Variants in TFEC observed in about 807,000 individuals in gnomAD.
TFEC encodes the protein transcription factor EC, also known as class E basic helix-loop-helix protein 34.
A neutral mutation model predicts 41.6 loss-of-function variants in TFEC; 31 were observed. The observed-to-expected ratio is 0.74, with a 90% CI of 0.56 to 1.01. The LOEUF (loss-of-function observed/expected upper bound fraction) is 1.01, where lower values mean the gene tolerates loss of function less well. Among genes scored for constraint, TFEC ranks in the 50% least tolerant of loss-of-function variants. The probability of loss-of-function intolerance (pLI) is 0.00; values close to 1 mark genes in which losing one functional copy is unlikely to be tolerated. For synonymous variants in TFEC, 143 were observed against 140.6 expected, an observed-to-expected ratio of 1.02 and a Z score of -0.12; for missense variants, 402 against 404.1, an observed-to-expected ratio of 0.99 and a Z score of 0.04.
At chr7:115,997,808 C>T (rs151264039) in intron 1 of TFEC, among the ~76,000 whole-genome samples, 1 of 152,096 alleles carries the variant, frequency 6.6e-6, no homozygotes, top group Non-Finnish European at 1.5e-5. Context: ...AATAGGCATG[C>T]TGAAGAACGC....
chr7:116,113,009 A>G (rs1363413314), intron 1 of TFEC, among the ~76,000 whole-genome samples: 1 of 152,158 alleles, frequency 6.6e-6, no homozygotes, highest in East Asian at 1.9e-4. Flanking sequence ...GAATTCATGA[A>G]AAATAAAGTG....
At position 115,936,528 on chromosome 7, in the gene TFEC, A is replaced by C. The variant is rs763229528; in HGVS notation, c.*4023T>G. On this transcript the variant is annotated 3_prime_UTR_variant, in exon 8 of 8. Coordinates refer to ENST00000265440, the MANE Select transcript of TFEC (RefSeq NM_012252.4). ...TGAATAGGGTCAAAGACATTGTAAAAAAATTTGGAACACTTAGTTATGCCA... is the reference window on the plus strand; with the variant it reads ...TGAATAGGGTCAAAGACATTGTAAACAAATTTGGAACACTTAGTTATGCCA... 4.6e-5 allele frequency: 7 copies of C among 151,722 alleles called. No individual in the cohort carries two copies. The highest frequency in any genetic ancestry group is 7.4e-5 in the Non-Finnish European group (5 of 67,684). The allele number at this position is 151,722 out of a possible 1,614,324, so 9.4% of individuals were successfully genotyped here.
intron 1 of TFEC, among the ~76,000 whole-genome samples, chr7:115,985,180 GA>G (rs1475026495): frequency 1.3e-5 from 2 of 152,062 alleles, no homozygotes; most frequent in South Asian, 2.1e-4. Context: ...GGAGCATTCA[GA>G]AAAAAATCTA....
intron 3 of TFEC, among the ~76,000 whole-genome samples, chr7:116,090,001 T>A (rs998832681): frequency 1.2e-4 from 18 of 151,982 alleles, no homozygotes; most frequent in Non-Finnish European, 4.4e-5. Context: ...GAAGAAAGGG[T>A]CTGAAGGCAG....
At chr7:116,032,681 G>A (rs1795815483), upstream of TFEC, among the ~76,000 whole-genome samples, 1 of 152,086 alleles carries the variant, frequency 6.6e-6, no homozygotes, top group Non-Finnish European at 1.5e-5. Flanking sequence ...GGGCCTATCA[G>A]AGGGTGGAAG....
intron 3 of TFEC, among the ~76,000 whole-genome samples, chr7:116,062,560 C>CATATATATATATAT (rs57742551): frequency 3.8e-4 from 39 of 101,676 alleles, no homozygotes; most frequent in South Asian, 8.2e-4. Context: ...GAGTAGTACT[C>CATATATATATATAT]ATATATATAT....
intron 1 of TFEC, among the ~76,000 whole-genome samples, chr7:116,142,007 G>A (rs1188629202): frequency 6.6e-6 from 1 of 152,110 alleles, no homozygotes; most frequent in Non-Finnish European, 1.5e-5. Flanking sequence ...TTTTCATCAT[G>A]ATCACAGAGT....
chr7:116,123,011 A>C (rs1798139240), intron 1 of TFEC, among the ~76,000 whole-genome samples: 1 of 152,088 alleles, frequency 6.6e-6, no homozygotes. Flanking sequence ...CCCCCATCTT[A>C]CTTGAGAGTA....
intron 1 of TFEC, among the ~76,000 whole-genome samples, chr7:116,125,676 TG>T (rs1350238815): frequency 6.6e-6 from 1 of 152,052 alleles, no homozygotes; most frequent in African/African-American, 2.4e-5. Flanking sequence ...GACTGAGACT[TG>T]GTTGATTCAA....
Position 115,950,969 on chromosome 7 carries a change from A to G in TFEC, c.440-20T>C. On this transcript the variant is annotated intron_variant, in intron 5 of 7. Coordinates refer to ENST00000265440, the MANE Select transcript of TFEC (RefSeq NM_012252.4). ...TTTCAACTATTAAAGAAGAAATATT[A>G]TTGATTATTCTCATTAATGCACAGT... The G allele has an allele frequency of 5.4e-6, 8 of 1,481,712 alleles. No individual in the cohort carries two copies. The highest frequency in any genetic ancestry group is 7.5e-6 in the Non-Finnish European group (8 of 1,071,644). 91.8% of individuals were successfully genotyped at this position (1,481,712 alleles called of 1,614,324 possible).
At chr7:115,993,375 A>C (rs984540416) in intron 1 of TFEC, among the ~76,000 whole-genome samples, 1 of 152,148 alleles carries the variant, frequency 6.6e-6, no homozygotes, top group Non-Finnish European at 1.5e-5. Flanking sequence ...GGCAGGAGAA[A>C]GAAATAAAGG....
chr7:115,974,851 C>T (rs1211704669), intron 2 of TFEC, among the ~76,000 whole-genome samples: 1 of 151,712 alleles, frequency 6.6e-6, no homozygotes, highest in Non-Finnish European at 1.5e-5. Context: ...ACAAAAACAG[C>T]AATAATTATG....
intron 3 of TFEC, among the ~76,000 whole-genome samples, chr7:116,046,554 A>T (rs935074968): frequency 8.5e-5 from 13 of 152,146 alleles, no homozygotes; most frequent in African/African-American, 3.1e-4. Flanking sequence ...ATGTGTCTTT[A>T]TCAACAGTGT....
intron 1 of TFEC, among the ~76,000 whole-genome samples, chr7:116,006,463 A>C (rs1794793989): frequency 6.6e-6 from 1 of 152,180 alleles, no homozygotes; most frequent in East Asian, 1.9e-4. Context: ...GCCAGATTTC[A>C]GATTTGCATA....
intron 3 of TFEC, among the ~76,000 whole-genome samples, chr7:116,056,354 A>G (rs1180590739): frequency 6.6e-6 from 1 of 152,152 alleles, no homozygotes; most frequent in Non-Finnish European, 1.5e-5. Flanking sequence ...TTCTCAAGAC[A>G]GTATACCAAG....
intron 6 of TFEC, among the ~76,000 whole-genome samples, chr7:115,947,098 G>C (rs1254798933): frequency 8.4e-6 from 1 of 119,358 alleles, no homozygotes; most frequent in Non-Finnish European, 1.6e-5. Context: ...AGTCCCCAGA[G>C]TGTGATGTTC....
intron 3 of TFEC, among the ~76,000 whole-genome samples, chr7:115,961,902 T>C (rs1295936783): frequency 6.6e-6 from 1 of 151,516 alleles, no homozygotes; most frequent in Non-Finnish European, 1.5e-5. Context: ...CGATCTCATA[T>C]TAAGAAAACC....
At chr7:116,019,523 A>C (rs1584706722) in intron 1 of TFEC, among the ~76,000 whole-genome samples, 2 of 152,340 alleles carry the variant, frequency 1.3e-5, no homozygotes, top group South Asian at 4.1e-4. Context: ...GACTAAATAA[A>C]AAATCAGTGA....
chr7:116,142,902 C>G (rs1798569443), intron 1 of TFEC, among the ~76,000 whole-genome samples: 1 of 152,018 alleles, frequency 6.6e-6, no homozygotes, highest in Non-Finnish European at 1.5e-5. Flanking sequence ...AATTGAATGC[C>G]TGGTATAAAT....
Sources: gnomAD v4.1 joint callset for allele counts (sites outside exome capture counted in the v4.1 genomes callset) on GRCh38, gnomAD v4.1.1 for gene constraint, MANE v1.5 for transcripts, NCBI Gene and HGNC (gene_info 2026-07-23, HGNC 2026-07-21) for gene names.